The following FER variants were observed in gnomAD, a reference collection of about 807,000 sequenced individuals.
FER encodes the protein tyrosine-protein kinase Fer.
Under a neutral mutation model 111.0 loss-of-function variants are expected in FER, and 63 were observed. That is an observed-to-expected ratio of 0.57 (90% CI 0.46 to 0.70). The LOEUF is 0.70. Ranked by LOEUF, FER falls within the 30% of genes least tolerant of loss-of-function variation. FER has a pLI of 0.00. For synonymous variants in FER, 327 were observed against 313.9 expected (o/e 1.04, Z -0.44); for missense variants, 914 against 954.0 (o/e 0.96, Z 0.55).
chr5:108,828,821 T>C (rs1759739361), intron 3 of FER, among the ~76,000 whole-genome samples: 1 of 152,180 alleles, frequency 6.6e-6, no homozygotes, highest in South Asian at 2.1e-4. Flanking sequence ...AGCTTGCAGC[T>C]GGGTGCAGTA....
rs557338281 is a variant in FER at position 108,914,721 on chromosome 5, C to A, written c.1236+16873C>A. Among the ~76,000 whole-genome samples, 5 of 152,226 alleles carry A rather than the reference C, an allele frequency of 3.3e-5. No homozygotes were observed. The East Asian group carries it at 9.7e-4, about 29-fold the overall frequency. On this transcript the variant is annotated intron_variant, in intron 10 of 19. Transcript: ENST00000281092. ...AGTAGTCTTTATTCTGATAGGCAGG[C>A]TAGTGAGGGGCATAGTGCTGGAAGG... is the stretch of plus-strand genomic sequence containing the variant.
intron 5 of FER, among the ~76,000 whole-genome samples, chr5:108,844,093 C>CATAT (rs35948091): frequency 1.0e-5 from 1 of 96,810 alleles, no homozygotes; most frequent in South Asian, 3.1e-4. Context: ...TGCGTGTGAA[C>CATAT]ATATGTGTGT....
intron 2 of FER, among the ~76,000 whole-genome samples, chr5:108,774,039 G>T (rs1251417352): frequency 1.3e-5 from 2 of 151,404 alleles, no homozygotes; most frequent in Non-Finnish European, 3.0e-5. Context: ...CATCCTGTAA[G>T]TTCCCTCCCC....
intron 13 of FER, among the ~76,000 whole-genome samples, chr5:109,020,619 G>A (rs1246788767): frequency 2.6e-5 from 4 of 151,964 alleles, no homozygotes; most frequent in Non-Finnish European, 5.9e-5. Flanking sequence ...GAAATTGATG[G>A]ATGACAAAGA....
chr5:108,773,272 C>A (rs150770366), intron 2 of FER, among the ~76,000 whole-genome samples: 218 of 152,174 alleles, frequency 1.4e-3, no homozygotes, highest in African/African-American at 5.1e-3. Context: ...TGGTTCGCTG[C>A]ACAGATCATC....
chr5:108,993,905 A>G (rs879381619), intron 13 of FER, among the ~76,000 whole-genome samples: 16 of 151,776 alleles, frequency 1.1e-4, no homozygotes, highest in Non-Finnish European at 1.5e-4. Context: ...TTTCATGTTT[A>G]TTAGCCCCTT....
chr5:108,895,813 T>C (rs139234185), intron 9 of FER, among the ~76,000 whole-genome samples: 10 of 152,328 alleles, frequency 6.6e-5, no homozygotes, highest in African/African-American at 2.4e-4. Flanking sequence ...ATGTATATTA[T>C]TTACTTCCAT....
intron 13 of FER, among the ~76,000 whole-genome samples, chr5:109,001,599 C>T (rs1159906981): frequency 3.3e-5 from 5 of 152,206 alleles, no homozygotes; most frequent in Non-Finnish European, 5.9e-5. Context: ...TCTCTCACCA[C>T]TCCTATTCAA....
chr5:109,028,991 A>C (rs1229659249), intron 13 of FER, among the ~76,000 whole-genome samples: 2 of 152,124 alleles, frequency 1.3e-5, no homozygotes, highest in East Asian at 3.8e-4. Flanking sequence ...CTAACAACCT[A>C]GTTCTTCTTG....
rs1324218713 is a variant in FER, at chr5:109,027,292, G to GTGAAT, written c.1657-10127_1657-10123dup. ...AGGAATAGATTGTATTACTGTATTAGTGAATTGGCCTGTATTTAAGGTAGA... is the reference window on the plus strand; with the variant it reads ...AGGAATAGATTGTATTACTGTATTAGTGAATTGAATTGGCCTGTATTTAAGGTAGA... On this transcript the variant is annotated intron_variant, in intron 13 of 19. Coordinates refer to ENST00000281092, the MANE Select transcript of FER (RefSeq NM_005246.4). Among the ~76,000 whole-genome samples, 3 of 151,974 alleles carry GTGAAT rather than the reference G, an allele frequency of 2.0e-5. No homozygotes were observed. The East Asian group carries it at 5.8e-4, about 29-fold the overall frequency.
intron 16 of FER, among the ~76,000 whole-genome samples, chr5:109,084,624 C>T (rs1273911988): frequency 3.3e-5 from 5 of 151,868 alleles, no homozygotes; most frequent in Non-Finnish European, 7.4e-5. Flanking sequence ...GTCCCATTAT[C>T]TTCCCCCTAC....
intron 13 of FER, among the ~76,000 whole-genome samples, chr5:108,993,284 C>A (rs1039212355): frequency 1.3e-5 from 2 of 152,254 alleles, no homozygotes; most frequent in African/African-American, 4.8e-5. Flanking sequence ...TGTCTGCAAT[C>A]CCGGCACCTC....
At chr5:108,794,526 A>ACCCCCCCCCCCCCCCCCCCCC (rs138716410) in intron 2 of FER, among the ~76,000 whole-genome samples, 5 of 106,382 alleles carry the variant, frequency 4.7e-5, no homozygotes, top group Non-Finnish European at 9.3e-5. Flanking sequence ...CCCCCTCCGC[A>ACCCCCCCCCCCCCCCCCCCCC]CCCCCCCCCC....
At chr5:108,987,875 T>C (rs1762751229) in intron 13 of FER, among the ~76,000 whole-genome samples, 1 of 152,162 alleles carries the variant, frequency 6.6e-6, no homozygotes, top group South Asian at 2.1e-4. Flanking sequence ...TCATTCCACT[T>C]CTCAGAGGGA....
intron 16 of FER, among the ~76,000 whole-genome samples, chr5:109,053,014 A>G (rs1367746172): frequency 6.6e-6 from 1 of 152,218 alleles, no homozygotes; most frequent in East Asian, 1.9e-4. Flanking sequence ...TCAGATCACC[A>G]AGTCATGCAG....
At chr5:109,046,199 CTT>C (rs1320779396) in intron 15 of FER, among the ~76,000 whole-genome samples, 1 of 152,088 alleles carries the variant, frequency 6.6e-6, no homozygotes, top group Non-Finnish European at 1.5e-5. Flanking sequence ...TTTCTCAGAA[CTT>C]TTGTTTCTAC....
chr5:108,968,199 C>T (rs1760155898), intron 13 of FER, among the ~76,000 whole-genome samples: 1 of 152,120 alleles, frequency 6.6e-6, no homozygotes, highest in African/African-American at 2.4e-5. Flanking sequence ...CAAGCCTGGC[C>T]AACATGGCAA....
chr5:109,118,660 A>G (rs1165785600), intron 17 of FER, among the ~76,000 whole-genome samples: 1 of 152,050 alleles, frequency 6.6e-6, no homozygotes, highest in African/African-American at 2.4e-5. Context: ...TTGGTAGGCT[A>G]TTAATTATTG....
At chr5:109,137,670 G>A (rs1040236406) in intron 17 of FER, among the ~76,000 whole-genome samples, 1 of 152,166 alleles carries the variant, frequency 6.6e-6, no homozygotes, top group African/African-American at 2.4e-5. Flanking sequence ...AGCCACAAAC[G>A]AAGGTAGAAA....
Sources: gnomAD v4.1 joint callset for allele counts (sites outside exome capture counted in the v4.1 genomes callset) on GRCh38, gnomAD v4.1.1 for gene constraint, MANE v1.5 for transcripts, NCBI Gene and HGNC (gene_info 2026-07-23, HGNC 2026-07-21) for gene names.